DCLK2: variants seen among roughly 807,000 people sequenced by gnomAD.
DCLK2 encodes the protein doublecortin like kinase 2.
Under a neutral mutation model 78.4 loss-of-function variants are expected in DCLK2, and 31 were observed. The ratio of observed to expected loss-of-function variants is 0.40; its 90% CI spans 0.30 to 0.53. DCLK2 has a LOEUF of 0.53. DCLK2 is among the 20% of genes least tolerant of loss of function. DCLK2 has a pLI of 0.61. For missense variants in DCLK2, 872 were observed against 973.7 expected (o/e 0.90, Z 1.39); for synonymous variants, 407 against 374.9 (o/e 1.09, Z -0.99).
At chr4:150,254,846 A>G (rs928760850) in intron 15 of DCLK2, among the ~76,000 whole-genome samples, 21 of 152,116 alleles carry the variant, frequency 1.4e-4, no homozygotes, top group Admixed American at 2.0e-4. Flanking sequence ...TGCCCGGCTA[A>G]TTTTTAAATT....
chr4:150,207,150 C>T (rs1739900956), intron 5 of DCLK2, among the ~76,000 whole-genome samples: 1 of 152,042 alleles, frequency 6.6e-6, no homozygotes. Context: ...GCTCTAATGG[C>T]CTTGGGGGAT....
chr4:150,192,704 C>T (rs891651927), intron 2 of DCLK2, among the ~76,000 whole-genome samples: 5 of 151,992 alleles, frequency 3.3e-5, no homozygotes, highest in Admixed American at 1.3e-4. Flanking sequence ...ACCCAAGGCA[C>T]GGTAGCAGAG....
At chr4:150,253,210 G>A in intron 15 of DCLK2, 1 of 513,072 alleles carries the variant, frequency 1.9e-6, no homozygotes, top group Non-Finnish European at 3.9e-6. Context: ...ACTCTCCCTG[G>A]TACTCATAGG....
chr4:150,249,448 G>T, intron 14 of DCLK2, 120 bp from the exon 15 acceptor site: 1 of 751,100 alleles, frequency 1.3e-6, no homozygotes. Flanking sequence ...TGGCTAAGAG[G>T]GGCCCATTTA....
At chr4:150,143,587 G>A (rs1040420169) in intron 2 of DCLK2, among the ~76,000 whole-genome samples, 13 of 152,178 alleles carry the variant, frequency 8.5e-5, no homozygotes, top group East Asian at 1.9e-4. Context: ...TTGCTGGATC[G>A]AATAGTAGTA....
chr4:150,081,341 T>C (rs72963451), intron 1 of DCLK2, among the ~76,000 whole-genome samples: 6,683 of 152,312 alleles, frequency 0.044, 449 homozygotes, highest in African/African-American at 0.15. Context: ...GCCCACCGCA[T>C]GCATGTCCAC....
chr4:150,187,651 G>T (rs1322129095), intron 2 of DCLK2, among the ~76,000 whole-genome samples: 1 of 152,028 alleles, frequency 6.6e-6, no homozygotes, highest in Non-Finnish European at 1.5e-5. Flanking sequence ...TTCCTTTACT[G>T]ATGTATCCTG....
chr4:150,198,886 C>T (rs1262866840), intron 4 of DCLK2: 3 of 580,050 alleles, frequency 5.2e-6, no homozygotes, highest in Non-Finnish European at 9.1e-6. Flanking sequence ...AGACATTCCA[C>T]TATTCGCCCT....
chr4:150,088,105 TC>T (rs1156582472), intron 1 of DCLK2, among the ~76,000 whole-genome samples: 7 of 152,316 alleles, frequency 4.6e-5, no homozygotes, highest in African/African-American at 1.7e-4. Context: ...TGAGAGTCTC[TC>T]CCCTGATGTC....
intron 2 of DCLK2, among the ~76,000 whole-genome samples, chr4:150,190,864 G>C (rs538325203): frequency 4.6e-5 from 7 of 152,254 alleles, no homozygotes; most frequent in African/African-American, 1.2e-4. Context: ...GACCAAGGTG[G>C]GAGGATTGCT....
Position 150,248,885 on chromosome 4 carries a change from G to T in DCLK2, c.1956+500G>T, listed in dbSNP as rs568467294. ...CTAGAGTTCCCTCCCAGAGGCTCAG[G>T]TGGTCTCTGGGAGGGAAACATGATC... On this transcript the variant is annotated intron_variant, in intron 14 of 15. Coordinates refer to ENST00000296550, the MANE Select transcript of DCLK2 (RefSeq NM_001040260.4). Among the ~76,000 whole-genome samples, 7 of 152,218 alleles carry T rather than the reference G, an allele frequency of 4.6e-5. No individual in the cohort carries two copies. The South Asian group carries it at 1.5e-3, about 32-fold the overall frequency.
intron 2 of DCLK2, among the ~76,000 whole-genome samples, chr4:150,113,163 T>G (rs1580525329): frequency 6.6e-6 from 1 of 152,242 alleles, no homozygotes; most frequent in Non-Finnish European, 1.5e-5. Context: ...TTGTTGAGGA[T>G]TTTTGCATCT....
chr4:150,203,296 T>A (rs1739584797), intron 4 of DCLK2, among the ~76,000 whole-genome samples: 1 of 152,206 alleles, frequency 6.6e-6, no homozygotes, highest in African/African-American at 2.4e-5. Context: ...AATTTTCCCT[T>A]TTCATTAAGA....
chr4:150,253,316 A>G (rs993036208), intron 15 of DCLK2: 1 of 708,754 alleles, frequency 1.4e-6, no homozygotes, highest in African/African-American at 1.8e-5. Flanking sequence ...ATCATCAGAT[A>G]ACTTACAGAC....
chr4:150,220,287 A>G (rs765289435), intron 5 of DCLK2, among the ~76,000 whole-genome samples: 12 of 152,326 alleles, frequency 7.9e-5, no homozygotes, highest in Non-Finnish European at 1.6e-4. Context: ...GCAGTTGTCC[A>G]TCAGTTGTCA....
intron 2 of DCLK2, among the ~76,000 whole-genome samples, chr4:150,106,039 A>T (rs538116172): frequency 1.2e-4 from 18 of 152,252 alleles, no homozygotes; most frequent in Non-Finnish European, 2.5e-4. Flanking sequence ...CATACACATT[A>T]TGAGTTAATT....
At chr4:150,231,145 G>T (rs907514985) in intron 8 of DCLK2, among the ~76,000 whole-genome samples, 1 of 152,234 alleles carries the variant, frequency 6.6e-6, no homozygotes, top group African/African-American at 2.4e-5. Context: ...GATGGGCTTG[G>T]ATGTCAGAAA....
chr4:150,220,866 G>A (rs1741135761), intron 6 of DCLK2, 88 bp downstream of exon 6: 9 of 1,080,896 alleles, frequency 8.3e-6, no homozygotes, highest in South Asian at 4.2e-5. Flanking sequence ...GCTAAATTAC[G>A]ATCTTCCTAA....
intron 5 of DCLK2, among the ~76,000 whole-genome samples, chr4:150,206,776 T>A (rs1041762184): frequency 1.3e-5 from 2 of 152,234 alleles, no homozygotes; most frequent in African/African-American, 4.8e-5. Context: ...CAAAGCTCTC[T>A]AACTACTACC....
Sources: gnomAD v4.1 joint callset for allele counts (sites outside exome capture counted in the v4.1 genomes callset) on GRCh38, gnomAD v4.1.1 for gene constraint, MANE v1.5 for transcripts, NCBI Gene and HGNC (gene_info 2026-07-23, HGNC 2026-07-21) for gene names.